Variants in RGS8 observed in about 807,000 individuals in gnomAD.
RGS8 encodes regulator of G-protein signaling 8.
A neutral mutation model predicts 21.7 loss-of-function variants in RGS8; 8 were observed. That is an observed-to-expected ratio of 0.37 (90% CI 0.22 to 0.66). RGS8 has a LOEUF of 0.66. Among genes scored for constraint, RGS8 ranks in the 30% least tolerant of loss-of-function variants. RGS8 has a pLI of 0.59. For synonymous variants in RGS8, 80 were observed against 83.6 expected, an observed-to-expected ratio of 0.96 and a Z score of 0.24; for missense variants, 157 against 217.9, an observed-to-expected ratio of 0.72 and a Z score of 1.76.
At chr1:182,662,654 C>T (rs1030003033) in intron 5 of RGS8, among the ~76,000 whole-genome samples, 20 of 152,298 alleles carry the variant, frequency 1.3e-4, no homozygotes, top group African/African-American at 3.6e-4. Context: ...ATTGACAAGA[C>T]GGAATTGAAG....
intron 4 of RGS8, 130 bp downstream of exon 5, chr1:182,666,742 C>T (rs1466479542): frequency 1.5e-6 from 1 of 684,564 alleles, no homozygotes; most frequent in East Asian, 2.6e-5. Flanking sequence ...CACTCACGTC[C>T]AGGGATATAA....
At chr1:182,650,477 C>T (rs1662954844) in intron 5 of RGS8, among the ~76,000 whole-genome samples, 1 of 152,174 alleles carries the variant, frequency 6.6e-6, no homozygotes, top group South Asian at 2.1e-4. Context: ...GAGCCAGGAA[C>T]TTAAGAGAAA....
intron 5 of RGS8, among the ~76,000 whole-genome samples, chr1:182,656,445 GC>G (rs1287217402): frequency 1.3e-5 from 2 of 152,204 alleles, no homozygotes; most frequent in Non-Finnish European, 2.9e-5. Context: ...CTTGGAACCT[GC>G]CTAAAGTCTC....
chr1:182,714,690 G>C, the RGS8 span: 1 of 152,222 alleles, frequency 6.6e-6, no homozygotes, highest in Non-Finnish European at 1.5e-5. Flanking sequence ...GGGCAGGGCA[G>C]CTTGCCAGTG....
chr1:182,691,284 C>T, the RGS8 span, among the ~76,000 whole-genome samples: 2 of 152,330 alleles, frequency 1.3e-5, no homozygotes, highest in South Asian at 2.1e-4. Context: ...CAAATTTTAG[C>T]TCTCTTCCTT....
At chr1:182,672,532 T>C (rs1664216884), upstream of RGS8, among the ~76,000 whole-genome samples, 1 of 152,060 alleles carries the variant, frequency 6.6e-6, no homozygotes, top group Non-Finnish European at 1.5e-5. Context: ...CCAGCTCATC[T>C]CCACTCCCAC....
At chr1:182,668,859 T>A (rs12562481) in intron 3 of RGS8, among the ~76,000 whole-genome samples, 44,163 of 152,094 alleles carry the variant, frequency 0.29, 6,649 homozygotes, top group East Asian at 0.36. Flanking sequence ...GTCATCACAT[T>A]CCATGAATTC....
chr1:182,688,378 C>T (rs1664752069), upstream of RGS8, among the ~76,000 whole-genome samples: 1 of 151,702 alleles, frequency 6.6e-6, no homozygotes, highest in Admixed American at 6.6e-5. Context: ...CTCTCTCTCT[C>T]ATCTTCATTT....
At chr1:182,743,336 A>G in the RGS8 span, among the ~76,000 whole-genome samples, 1 of 152,204 alleles carries the variant, frequency 6.6e-6, no homozygotes, top group Non-Finnish European at 1.5e-5. Flanking sequence ...GAAGTGGGTC[A>G]TTGACTCATG....
At chr1:182,725,137 C>A in the RGS8 span, among the ~76,000 whole-genome samples, 2 of 152,116 alleles carry the variant, frequency 1.3e-5, no homozygotes, top group Middle Eastern at 3.2e-3. Flanking sequence ...AGAAAATGGT[C>A]TGTTTTGGGA....
chr1:182,665,897 C>A, intron 5 of RGS8, 72 bp downstream of exon 6: 6 of 1,356,304 alleles, frequency 4.4e-6, no homozygotes, highest in African/African-American at 2.9e-5. Flanking sequence ...CCTGGATCAT[C>A]ACAGGCCTTT....
chr1:182,676,846 G>A (rs1004941957), upstream of RGS8, among the ~76,000 whole-genome samples: 1 of 152,038 alleles, frequency 6.6e-6, no homozygotes, highest in Non-Finnish European at 1.5e-5. Context: ...GACCACCAAC[G>A]AACATCACCA....
chr1:182,717,739 C>T, the RGS8 span, among the ~76,000 whole-genome samples: 3 of 152,240 alleles, frequency 2.0e-5, no homozygotes, highest in South Asian at 6.2e-4. Context: ...ATCTGCCTCC[C>T]CCATAAGAAG....
At chr1:182,742,057 C>T in the RGS8 span, among the ~76,000 whole-genome samples, 2 of 149,404 alleles carry the variant, frequency 1.3e-5, no homozygotes, top group Non-Finnish European at 3.0e-5. Flanking sequence ...TCCTCACATC[C>T]CGGACGGGGC....
chr1:182,737,104 A>ACCAGCATCCTTTGGCTTGTGGCTG, the RGS8 span, among the ~76,000 whole-genome samples: 1 of 152,104 alleles, frequency 6.6e-6, no homozygotes, highest in Non-Finnish European at 1.5e-5. Context: ...TCAGGTGGCT[A>ACCAGCATCCTTTGGCTTGTGGCTG]CCAGCATCCT....
At chr1:182,736,637 A>G in the RGS8 span, among the ~76,000 whole-genome samples, 2 of 152,248 alleles carry the variant, frequency 1.3e-5, no homozygotes, top group African/African-American at 4.8e-5. Flanking sequence ...CTGGGATAGC[A>G]GTAGGAGTCC....
chr1:182,688,839 C>T (rs1047071583), upstream of RGS8, among the ~76,000 whole-genome samples: 1 of 152,176 alleles, frequency 6.6e-6, no homozygotes, highest in African/African-American at 2.4e-5. Flanking sequence ...GTTCTGTAAT[C>T]ACAAGGAATT....
intron 5 of RGS8, 113 bp from the exon 7 acceptor site, chr1:182,648,416 A>C: frequency 2.6e-5 from 28 of 1,077,244 alleles, no homozygotes; most frequent in Non-Finnish European, 3.4e-5. Flanking sequence ...GTCCAAGCTC[A>C]CTGCTCCTCC....
chr1:182,654,024 G>A (rs187036572), intron 5 of RGS8, among the ~76,000 whole-genome samples: 35 of 152,262 alleles, frequency 2.3e-4, no homozygotes, highest in African/African-American at 6.5e-4. Context: ...ACTATACACC[G>A]TGCTTTTTGC....
Sources: gnomAD v4.1 joint callset for allele counts (sites outside exome capture counted in the v4.1 genomes callset) on GRCh38, gnomAD v4.1.1 for gene constraint, MANE v1.5 for transcripts, NCBI Gene and HGNC (gene_info 2026-07-23, HGNC 2026-07-21) for gene names.